The following CCDC88C variants were observed in gnomAD, a reference collection of about 807,000 sequenced individuals.
The protein encoded by CCDC88C is coiled-coil and HOOK domain protein 88C.
Under a neutral mutation model 198.8 loss-of-function variants are expected in CCDC88C, and 131 were observed. The observed-to-expected ratio is 0.66, with a 90% confidence interval of 0.57 to 0.76. CCDC88C has a LOEUF of 0.76. Ranked by LOEUF, CCDC88C falls within the 30% of genes least tolerant of loss-of-function variation. The pLI is 0.00. For synonymous variants in CCDC88C, 1,166 were observed against 1,114.7 expected, an observed-to-expected ratio of 1.05 and a Z score of -0.92; for missense variants, 2,553 against 2,631.6, an observed-to-expected ratio of 0.97 and a Z score of 0.65.
intron 10 of CCDC88C, among the ~76,000 whole-genome samples, chr14:91,330,859 G>A (rs182852373): frequency 4.7e-4 from 71 of 152,250 alleles, no homozygotes; most frequent in African/African-American, 1.6e-3. Context: ...CTATGTGTGT[G>A]GGCTAAGGGA....
Position 91,307,140 on chromosome 14 carries a change from T to C in CCDC88C, c.3093A>G (p.Thr1031=), listed in dbSNP as rs1466171168. 2.5e-6 allele frequency: 4 copies of C among 1,613,842 alleles called. No individual in the cohort carries two copies. Among genetic ancestry groups the C allele is most frequent in the Non-Finnish European group, 3.4e-6 (4 of 1,179,890 alleles). The change falls in exon 18 of 30, where the codon ACA becomes ACG. Residue 1031 remains threonine (T), a synonymous_variant. Coordinates refer to ENST00000389857, the MANE Select transcript of CCDC88C (RefSeq NM_001080414.4). ...CCTCCTTCCCCTGGTGACTGGCGGC[T>C]GTCTTCCCCGCAGGGTGCTTGAAAG... The part of the protein sequence containing the change: ...QNSFKHPAGK[T]AASHQGKEAW...
chr14:91,293,357 T>C (rs1323789472), intron 23 of CCDC88C, among the ~76,000 whole-genome samples: 12 of 79,034 alleles, frequency 1.5e-4, no homozygotes, highest in Non-Finnish European at 1.9e-4. Context: ...TCCCCTCGCC[T>C]GCCACGGCCC....
intron 3 of CCDC88C, among the ~76,000 whole-genome samples, chr14:91,404,421 G>C (rs1021200390): frequency 6.6e-6 from 1 of 152,188 alleles, no homozygotes; most frequent in Non-Finnish European, 1.5e-5. Flanking sequence ...GACTCTTCTA[G>C]AAATCACCAG....
intron 4 of CCDC88C, among the ~76,000 whole-genome samples, chr14:91,351,650 A>T (rs1387539566): frequency 1.3e-5 from 2 of 152,056 alleles, no homozygotes; most frequent in Admixed American, 1.3e-4. Flanking sequence ...GCATTAACAT[A>T]ACCAGGCACA....
In CCDC88C at chr14:91,376,680, G is replaced by A. The variant is rs1884438564; in HGVS notation, c.271-16969C>T. Among the ~76,000 whole-genome samples the A allele has an allele frequency of 4.6e-5, 7 of 152,226 alleles. No homozygotes were observed. The South Asian group carries it at 1.4e-3, about 31-fold the overall frequency. On this transcript the variant is annotated intron_variant, in intron 3 of 29. Transcript: ENST00000389857. ...AGAGCAGAGATGCGGAAGAGTGGCT[G>A]GTGCTGTCTGTGGGGAGGCCCAGGG...
Position 91,338,274 on chromosome 14 carries a change from C to A in CCDC88C, c.892-111G>T. 1 of 1,357,010 alleles carries A rather than the reference C, an allele frequency of 7.4e-7. No homozygotes were observed. The highest frequency in any genetic ancestry group is 1.4e-5 in the South Asian group (1 of 73,792). 84.1% of individuals were successfully genotyped at this position (1,357,010 alleles called of 1,614,324 possible). On this transcript the variant is annotated intron_variant, in intron 9 of 29. Transcript: ENST00000389857. This position sits in a 1 kb window ranked among gnomAD's most constrained non-coding sequence, Gnocchi z 4.8. ...TCCACGACGGCCCAGGACAAGCCAG[C>A]TCCTGGTGGCCGGGGGCCTCCATGT... is the stretch of plus-strand genomic sequence containing the variant.
intron 3 of CCDC88C, chr14:91,384,438 T>G: frequency 1.9e-6 from 1 of 523,280 alleles, no homozygotes; most frequent in Admixed American, 1.9e-5. Flanking sequence ...GCTTGCACTC[T>G]GTTGGGTTTT....
At chr14:91,355,613 C>T (rs771026405) in intron 4 of CCDC88C, among the ~76,000 whole-genome samples, 3 of 152,234 alleles carry the variant, frequency 2.0e-5, no homozygotes, top group Admixed American at 6.5e-5. Flanking sequence ...TGGGCCGGGA[C>T]GGGCAGATGC....
chr14:91,321,216 G>A lies in CCDC88C; in HGVS notation c.1431C>T (p.Ser477=). 6.2e-7 allele frequency: 1 copy of A among 1,606,504 alleles called. No individual in the cohort carries two copies. Among genetic ancestry groups the A allele is most frequent in the Non-Finnish European group, 8.5e-7 (1 of 1,176,482 alleles). The stretch of plus-strand genomic sequence containing the variant: ...ACGCGTCCCGCAGCCCCTGGATGGT[G>A]CTCTGGAGGCTCTGATTCTCCTTCT... ...KLEKENQSLQ[S]TIQGLRDASL... The change falls in exon 13 of 30, where the codon AGC becomes AGT. Residue 477 remains serine, a synonymous_variant. Transcript: ENST00000389857.
chr14:91,283,812 T>A (rs1049941451), intron 25 of CCDC88C, among the ~76,000 whole-genome samples: 1 of 152,166 alleles, frequency 6.6e-6, no homozygotes, highest in Non-Finnish European at 1.5e-5. Flanking sequence ...CCTGAGGGGA[T>A]AAACTGTTGG....
intron 3 of CCDC88C, among the ~76,000 whole-genome samples, chr14:91,402,298 A>AAC (rs1555430101): frequency 3.4e-5 from 5 of 148,444 alleles, no homozygotes; most frequent in Non-Finnish European, 7.6e-5. Context: ...ACAACAACAA[A>AAC]AAAACACAAA....
At chr14:91,361,927 C>G (rs1430106743) in intron 3 of CCDC88C, among the ~76,000 whole-genome samples, 2 of 152,172 alleles carry the variant, frequency 1.3e-5, no homozygotes, top group Non-Finnish European at 2.9e-5. Flanking sequence ...ACACAGCTCC[C>G]TCCCAGCCTC....
chr14:91,417,596 C>A (rs772999883), intron 1 of CCDC88C, 35 bp downstream of exon 1: 1 of 1,566,018 alleles, frequency 6.4e-7, no homozygotes, highest in Non-Finnish European at 8.7e-7. Flanking sequence ...GAAGCCGGTG[C>A]ACCAACAAAG....
chr14:91,394,646 TGACA>T (rs2139987155), intron 3 of CCDC88C, among the ~76,000 whole-genome samples: 1 of 152,310 alleles, frequency 6.6e-6, no homozygotes, highest in East Asian at 1.9e-4. Context: ...CATGCTGGTG[TGACA>T]GACAAACAGA....
intron 3 of CCDC88C, among the ~76,000 whole-genome samples, chr14:91,362,684 C>T (rs1894362911): frequency 6.6e-6 from 1 of 151,982 alleles, no homozygotes; most frequent in African/African-American, 2.4e-5. Context: ...AATCCCAGCA[C>T]TTTGGGAGGC....
intron 14 of CCDC88C, among the ~76,000 whole-genome samples, chr14:91,315,250 G>A (rs543511635): frequency 2.6e-4 from 39 of 152,122 alleles, no homozygotes; most frequent in Non-Finnish European, 4.7e-4. Context: ...ACTGCCCGCC[G>A]TGTGAGGCAA....
chr14:91,401,711 T>C (rs1363693354), intron 3 of CCDC88C, among the ~76,000 whole-genome samples: 1 of 152,210 alleles, frequency 6.6e-6, no homozygotes, highest in East Asian at 1.9e-4. Flanking sequence ...ATAAAAAATG[T>C]GGCCCTCCTC....
chr14:91,384,269 C>G (rs1884986750), intron 3 of CCDC88C: 1 of 306,856 alleles, frequency 3.3e-6, no homozygotes, highest in Admixed American at 4.9e-5. Flanking sequence ...AGACCCCCAT[C>G]TCTCTTTTTT....
rs1383451904 is a variant in CCDC88C, at chr14:91,372,545, G to A, written c.271-12834C>T. 4.1e-5 allele frequency among the ~76,000 whole-genome samples: 5 copies of A among 120,886 alleles called. No individual in the cohort carries two copies. The East Asian group carries it at 8.5e-4, about 21-fold the overall frequency. The allele number at this position is 120,886 out of a possible 152,430, so 79.3% of individuals were successfully genotyped here. A position where few individuals can be genotyped will look rare whatever the true frequency, so the allele number is the denominator to read the frequency against. On this transcript the variant is annotated intron_variant, in intron 3 of 29. Transcript: ENST00000389857. ...CAGTGGTGCGGGGGGGGGCGGGCGGGGGGGGGAGGCGTGTGTTAGTGCAGG... is the reference window on the plus strand; with the variant it reads ...CAGTGGTGCGGGGGGGGGCGGGCGGAGGGGGGAGGCGTGTGTTAGTGCAGG...
Sources: gnomAD v4.1 joint callset for allele counts (sites outside exome capture counted in the v4.1 genomes callset) on GRCh38, gnomAD v4.1.1 for gene constraint, Gnocchi (gnomAD v3.1) non-coding constraint, MANE v1.5 for transcripts, NCBI Gene and HGNC (gene_info 2026-07-23, HGNC 2026-07-21) for gene names.